The following ITGB1 variants were observed in gnomAD, a reference collection of about 807,000 sequenced individuals.
ITGB1 encodes the protein integrin subunit beta 1, also known as integrin beta-1.
ITGB1 carries 24 observed loss-of-function variants against 86.5 expected under a neutral mutation model. The observed-to-expected ratio is 0.28, with a 90% CI of 0.20 to 0.39. The LOEUF is 0.39. Ranked by LOEUF, ITGB1 falls within the 10% of genes least tolerant of loss-of-function variation. ITGB1 has a pLI of 1.00. For synonymous variants in ITGB1, 323 were observed against 316.8 expected, an observed-to-expected ratio of 1.02 and a Z score of -0.21; for missense variants, 556 against 946.9, an observed-to-expected ratio of 0.59 and a Z score of 5.42.
chr10:32,908,914 C>G (rs2094904908), intron 14 of ITGB1, among the ~76,000 whole-genome samples: 1 of 152,042 alleles, frequency 6.6e-6, no homozygotes, highest in Non-Finnish European at 1.5e-5. Flanking sequence ...AGAGATATTC[C>G]ATGTGCAGGA....
At chr10:32,934,309 T>C (rs564137047) in intron 2 of ITGB1, among the ~76,000 whole-genome samples, 16 of 152,312 alleles carry the variant, frequency 1.1e-4, no homozygotes, top group Middle Eastern at 3.4e-3. Flanking sequence ...AACAATACAG[T>C]GTAAAAGCTA....
chr10:32,947,030 A>G (rs2095032908), intron 1 of ITGB1, among the ~76,000 whole-genome samples: 1 of 151,864 alleles, frequency 6.6e-6, no homozygotes, highest in Non-Finnish European at 1.5e-5. Flanking sequence ...TTTAGTAGAG[A>G]CAGGGTTTTG....
chr10:32,954,444 T>C (rs2095048546), intron 1 of ITGB1, among the ~76,000 whole-genome samples: 1 of 152,186 alleles, frequency 6.6e-6, no homozygotes, highest in Admixed American at 6.5e-5. Flanking sequence ...TCTGCAAAGC[T>C]TTCTGACCAC....
chr10:32,946,991 G>A (rs1451143716), intron 1 of ITGB1, among the ~76,000 whole-genome samples: 1 of 151,894 alleles, frequency 6.6e-6, no homozygotes, highest in African/African-American at 2.4e-5. Flanking sequence ...TTACAGGCAT[G>A]TGCCACCACG....
chr10:32,921,139 C>T (rs2137200549), intron 9 of ITGB1, among the ~76,000 whole-genome samples: 1 of 138,118 alleles, frequency 7.2e-6, no homozygotes, highest in Admixed American at 7.7e-5. Flanking sequence ...AACAAATTTG[C>T]TTAAGGAACC....
intron 15 of ITGB1, among the ~76,000 whole-genome samples, chr10:32,907,721 T>C (rs1052699990): frequency 2.0e-5 from 3 of 152,122 alleles, no homozygotes; most frequent in African/African-American, 7.2e-5. Flanking sequence ...ATATAGTATA[T>C]AGCAGGGGTG....
chr10:32,933,363 G>A (rs983224185), intron 2 of ITGB1: 9 of 152,080 alleles, frequency 5.9e-5, no homozygotes, highest in African/African-American at 1.9e-4. Flanking sequence ...GAATCTTCAA[G>A]GCTTTCCCTT....
chr10:32,934,360 C>T (rs1347169027), intron 2 of ITGB1, among the ~76,000 whole-genome samples: 3 of 152,056 alleles, frequency 2.0e-5, no homozygotes, highest in Admixed American at 2.0e-4. Context: ...TACAGGTAAT[C>T]TAGAGAAGAT....
At position 32,911,539 on chromosome 10, in the gene ITGB1, C is replaced by T. The variant is rs140200196; in HGVS notation, c.1840G>A (p.Glu614Lys). ...TCTGTACACTTACAGACACCACACT[C>T]GCAGATGCCCCGGCCATTGCAGATC... is the stretch of plus-strand genomic sequence containing the variant. ...GQICNGRGIC[E>K]CGVCKCTDPK... is the part of the protein sequence containing the mutation. Residue 614 changes from glutamate (E) to lysine (K), a missense_variant, in exon 13 of 16, where the codon GAG (glutamate) becomes AAG (lysine). This residue lies in a region of ITGB1 where 330 missense variants were observed against 531.5 expected (regional missense o/e 0.62). Transcript: ENST00000302278. 68 of 1,614,052 alleles carry T rather than the reference C, an allele frequency of 4.2e-5. No homozygotes were observed. Among genetic ancestry groups the T allele is most frequent in the Non-Finnish European group, 5.3e-5 (62 of 1,180,014 alleles).
chr10:32,912,834 C>G (rs2488323), intron 11 of ITGB1, among the ~76,000 whole-genome samples: 2 of 151,990 alleles, frequency 1.3e-5, no homozygotes, highest in East Asian at 1.9e-4. Context: ...AGCACGGAGT[C>G]TGACATCTGA....
intron 5 of ITGB1, among the ~76,000 whole-genome samples, 194 bp downstream of exon 5, chr10:32,927,900 A>T (rs377159104): frequency 6.6e-6 from 1 of 152,238 alleles, no homozygotes; most frequent in Non-Finnish European, 1.5e-5. Context: ...GCATCCAGTG[A>T]CAGAGGAACA....
chr10:32,916,840 A>T (rs909977274), intron 11 of ITGB1, among the ~76,000 whole-genome samples: 14 of 152,198 alleles, frequency 9.2e-5, no homozygotes, highest in Non-Finnish European at 2.1e-4. Flanking sequence ...GGAAAAAACT[A>T]CTTTAAAGTT....
chr10:32,948,971 GAAA>G (rs71299726), intron 1 of ITGB1, among the ~76,000 whole-genome samples: 1 of 121,382 alleles, frequency 8.2e-6, no homozygotes, highest in Non-Finnish European at 1.8e-5. Flanking sequence ...GTGGATTACT[GAAA>G]AAAAAAAAAA....
At chr10:32,951,377 G>A (rs2095042282) in intron 1 of ITGB1, among the ~76,000 whole-genome samples, 1 of 151,750 alleles carries the variant, frequency 6.6e-6, no homozygotes, top group African/African-American at 2.4e-5. Flanking sequence ...GTCTAATGGT[G>A]ATCTCATAAA....
intron 1 of ITGB1, chr10:32,935,786 A>C (rs2094999644): frequency 2.4e-6 from 1 of 415,612 alleles, no homozygotes; most frequent in Non-Finnish European, 4.3e-6. Flanking sequence ...AGAGCCCCAG[A>C]ATCCATTCGT....
chr10:32,950,961 C>T (rs191718358), intron 1 of ITGB1, among the ~76,000 whole-genome samples: 1 of 152,118 alleles, frequency 6.6e-6, no homozygotes, highest in Non-Finnish European at 1.5e-5. Context: ...TTTATCACCA[C>T]CCAATCTACA....
chr10:32,935,005 A>C (rs1043214519), intron 2 of ITGB1, among the ~76,000 whole-genome samples: 1 of 152,160 alleles, frequency 6.6e-6, no homozygotes, highest in Non-Finnish European at 1.5e-5. Context: ...GTGGAGCCAC[A>C]TCTTTATAGA....
At position 32,928,274 on chromosome 10, in the gene ITGB1, C is replaced by T. The variant is rs1262796515; in HGVS notation, c.377-10G>A. 1 of 836,742 alleles carries T rather than the reference C, an allele frequency of 1.2e-6. No homozygotes were observed. The highest frequency in any genetic ancestry group is 1.7e-5 in the African/African-American group (1 of 59,006). The allele number at this position is 836,742 out of a possible 1,614,324, so 51.8% of individuals were successfully genotyped here. ...AATGTCTGTGGCTCCCCTAATTAGA[C>T]AAGAGATTAGAAAATGAAACTTGCC... On this transcript the variant is annotated splice_polypyrimidine_tract_variant and intron_variant, in intron 4 of 15. Coordinates refer to ENST00000302278, the MANE Select transcript of ITGB1 (RefSeq NM_002211.4).
intron 2 of ITGB1, among the ~76,000 whole-genome samples, chr10:32,934,605 A>C (rs72784080): frequency 6.6e-6 from 1 of 152,208 alleles, no homozygotes; most frequent in Admixed American, 6.5e-5. Context: ...TGCTCATTTC[A>C]TAAGTGTAAA....
Sources: allele counts gnomAD v4.1 joint callset (sites outside exome capture counted in the v4.1 genomes callset), GRCh38; gene constraint gnomAD v4.1.1; regional missense constraint gnomAD v4.1.1; transcripts MANE v1.5; gene names NCBI Gene and HGNC (gene_info 2026-07-23, HGNC 2026-07-21).